SEC24D: variants seen among roughly 807,000 people sequenced by gnomAD.
SEC24D encodes the protein SEC24 homolog D, COPII component.
SEC24D carries 69 observed loss-of-function variants against 116.9 expected under a neutral mutation model. The observed-to-expected ratio is 0.59, with a 90% CI of 0.49 to 0.72. The LOEUF (loss-of-function observed/expected upper bound fraction) is 0.72, where lower values mean the gene tolerates loss of function less well. Ranked by LOEUF, SEC24D falls within the 30% of genes least tolerant of loss-of-function variation. The pLI is 0.00. For synonymous variants in SEC24D, 405 were observed against 442.8 expected (o/e 0.91, Z 1.07); for missense variants, 1,131 against 1,264.1 (o/e 0.89, Z 1.60).
chr4:118,752,234 GAT>G (rs1463905222), intron 12 of SEC24D, 145 bp from the exon 13 acceptor site: 3 of 596,252 alleles, frequency 5.0e-6, no homozygotes, highest in Non-Finnish European at 9.0e-6. Context: ...CTTAGGAAAT[GAT>G]ATCTTAGCGT....
chr4:118,789,474 G>C (rs566899751), intron 8 of SEC24D, among the ~76,000 whole-genome samples: 3 of 152,148 alleles, frequency 2.0e-5, no homozygotes, highest in Non-Finnish European at 4.4e-5. Context: ...TCGGTTCCTT[G>C]ACATCCATTC....
chr4:118,789,970 A>G (rs575248676), intron 8 of SEC24D, among the ~76,000 whole-genome samples: 1 of 152,372 alleles, frequency 6.6e-6, no homozygotes, highest in African/African-American at 2.4e-5. Context: ...TAAGCTCCAT[A>G]TAACAATGAA....
chr4:118,738,102 C>A, intron 19 of SEC24D, 159 bp downstream of exon 19: 9 of 525,278 alleles, frequency 1.7e-5, no homozygotes, highest in South Asian at 6.0e-5. Flanking sequence ...AAAAAAAAAC[C>A]ACAGCCCCCC....
At chr4:118,752,619 A>G in intron 12 of SEC24D, 78 bp downstream of exon 12, 1 of 958,740 alleles carries the variant, frequency 1.0e-6, no homozygotes. Flanking sequence ...AAAACAATGT[A>G]TGATTGAATC....
At chr4:118,769,054 C>T (rs1307361296) in intron 8 of SEC24D, among the ~76,000 whole-genome samples, 1 of 152,154 alleles carries the variant, frequency 6.6e-6, no homozygotes, top group African/African-American at 2.4e-5. Flanking sequence ...TAGCAGTATG[C>T]TGTCTATGTA....
At chr4:118,728,472 C>T in intron 22 of SEC24D, 89 bp downstream of exon 22, 1 of 720,774 alleles carries the variant, frequency 1.4e-6, no homozygotes, top group Non-Finnish European at 2.3e-6. Flanking sequence ...AATCAAAGAT[C>T]ACGTCATAAA....
rs1164396734 is a variant in SEC24D, at chr4:118,752,896, G to A, written c.1422-8C>T. 2.0e-5 allele frequency: 28 copies of A among 1,402,212 alleles called. No individual in the cohort carries two copies. The highest frequency in any genetic ancestry group is 1.9e-4 in the Middle Eastern group (1 of 5,360). 86.9% of individuals were successfully genotyped at this position (1,402,212 alleles called of 1,614,324 possible). On this transcript the variant is annotated splice_polypyrimidine_tract_variant and splice_region_variant and intron_variant, in intron 11 of 22. Transcript: ENST00000280551. ...GTCTCTTCTTGCTCTTCCCTGTAAGGAAAAAAAAAAGTGTTTGAGATGCTT... is the reference window on the plus strand; with the variant it reads ...GTCTCTTCTTGCTCTTCCCTGTAAGAAAAAAAAAAAGTGTTTGAGATGCTT...
At chr4:118,769,790 A>G (rs1421933973) in intron 8 of SEC24D, 1 of 152,016 alleles carries the variant, frequency 6.6e-6, no homozygotes, top group South Asian at 2.1e-4. Context: ...GACAGATTGG[A>G]TTTTCTTGTT....
intron 2 of SEC24D, among the ~76,000 whole-genome samples, chr4:118,829,309 T>C (rs964547273): frequency 1.3e-5 from 2 of 152,016 alleles, no homozygotes; most frequent in Non-Finnish European, 2.9e-5. Flanking sequence ...GGCCAGGAGA[T>C]CGAGACAGAA....
At chr4:118,786,516 A>T (rs1467028093) in intron 8 of SEC24D, among the ~76,000 whole-genome samples, 1 of 152,220 alleles carries the variant, frequency 6.6e-6, no homozygotes, top group Non-Finnish European at 1.5e-5. Flanking sequence ...CAGAAGTTAG[A>T]AGCATGAAGC....
intron 17 of SEC24D, 65 bp from the exon 18 acceptor site, chr4:118,739,352 C>T (rs1245991841): frequency 6.0e-6 from 9 of 1,504,348 alleles, no homozygotes; most frequent in Non-Finnish European, 5.5e-6. Context: ...CTAACTTGAT[C>T]TTACTTGCAT....
At position 118,738,348 on chromosome 4, in the gene SEC24D, C is replaced by T. The variant is rs1726069058; in HGVS notation, c.2409G>A (p.Lys803=). 1 of 1,613,290 alleles carries T rather than the reference C, an allele frequency of 6.2e-7. No homozygotes were observed. The highest frequency in any genetic ancestry group is 2.2e-5 in the East Asian group (1 of 44,844). The change falls in exon 19 of 23, where the codon AAG becomes AAA. Residue 803 remains lysine (K), a synonymous_variant. Transcript: ENST00000280551. ...AFKAVLHQPL[K]VIREILVNQT... ...GATTAACTAGAATTTCCCGGATGAC[C>T]TTCAAAGGCTGGTGGAGAACTGCTT...
At chr4:118,822,540 A>T (rs551480004) in intron 3 of SEC24D, among the ~76,000 whole-genome samples, 205 of 152,156 alleles carry the variant, frequency 1.3e-3, no homozygotes, top group East Asian at 7.7e-4. Context: ...CTTTCTTTTT[A>T]AAAAAAATAT....
At chr4:118,740,586 T>C (rs1237389847) in intron 17 of SEC24D, 77 bp downstream of exon 17, 5 of 1,461,632 alleles carry the variant, frequency 3.4e-6, no homozygotes, top group Non-Finnish European at 9.4e-7. Flanking sequence ...ACACATTTGA[T>C]GGTATTTCAG....
chr4:118,767,714 C>T (rs550449209), intron 9 of SEC24D, among the ~76,000 whole-genome samples: 2 of 151,846 alleles, frequency 1.3e-5, no homozygotes, highest in East Asian at 1.9e-4. Flanking sequence ...ACATTTACAT[C>T]GGAGTGAAAA....
intron 2 of SEC24D, among the ~76,000 whole-genome samples, chr4:118,829,194 C>G (rs1488989839): frequency 6.6e-6 from 1 of 152,204 alleles, no homozygotes; most frequent in Non-Finnish European, 1.5e-5. Context: ...CATATTACCA[C>G]AATTATTTTG....
chr4:118,827,941 TG>T (rs59039518), intron 2 of SEC24D, among the ~76,000 whole-genome samples: 6 of 151,576 alleles, frequency 4.0e-5, no homozygotes, highest in Non-Finnish European at 8.8e-5. Flanking sequence ...AGCCATTTGT[TG>T]GGGGGGGAAA....
chr4:118,737,616 A>G (rs931448302), intron 19 of SEC24D, among the ~76,000 whole-genome samples: 4 of 152,212 alleles, frequency 2.6e-5, no homozygotes, highest in African/African-American at 7.2e-5. Flanking sequence ...AAAAAATGCC[A>G]TCTAACTTTT....
chr4:118,723,460 C>T lies in SEC24D; in HGVS notation c.*55G>A. ...CTATTATCATCTAGAAAATTAGGCA[C>T]CAAGAAGGAGATTATCTCCTTGGAA... is the stretch of plus-strand genomic sequence containing the variant. On this transcript the variant is annotated 3_prime_UTR_variant, in exon 23 of 23. Transcript: ENST00000280551. 2 of 1,544,658 alleles carry T rather than the reference C, an allele frequency of 1.3e-6. No homozygotes were observed. The highest frequency in any genetic ancestry group is 1.8e-6 in the Non-Finnish European group (2 of 1,139,596).
Sources: gnomAD v4.1 joint callset for allele counts (sites outside exome capture counted in the v4.1 genomes callset) on GRCh38, gnomAD v4.1.1 for gene constraint, MANE v1.5 for transcripts, NCBI Gene and HGNC (gene_info 2026-07-23, HGNC 2026-07-21) for gene names.